Variants in TBC1D4 observed in about 807,000 individuals in gnomAD.
TBC1D4 encodes the protein TBC (Tre-2, BUB2, CDC16) domain-containing protein.
Under a neutral mutation model 142.5 loss-of-function variants are expected in TBC1D4, and 121 were observed. The observed-to-expected ratio is 0.85, with a 90% CI of 0.73 to 0.99. The LOEUF (loss-of-function observed/expected upper bound fraction) is 0.99. TBC1D4 is among the 50% of genes least tolerant of loss of function. The pLI, the probability that TBC1D4 is intolerant of heterozygous loss-of-function variation, is 0.00. For synonymous variants in TBC1D4, 630 were observed against 628.2 expected, an observed-to-expected ratio of 1.00 and a Z score of -0.04; for missense variants, 1,475 against 1,606.6, an observed-to-expected ratio of 0.92 and a Z score of 1.40.
At chr13:75,412,036 T>C (rs1404510637) in intron 1 of TBC1D4, among the ~76,000 whole-genome samples, 1 of 151,738 alleles carries the variant, frequency 6.6e-6, no homozygotes, top group African/African-American at 2.4e-5. Flanking sequence ...AGTTGGGGGG[T>C]AGGCCTAGGG....
At position 75,425,157 on chromosome 13, in the gene TBC1D4, AC is replaced by A. The variant is rs200196639; in HGVS notation, c.498+56112del. Among the ~76,000 whole-genome samples, 355 of 152,322 alleles carry A rather than the reference AC, an allele frequency of 2.3e-3. 4 individuals are homozygous for A. The highest frequency in any genetic ancestry group is 3.3e-3 in the East Asian group (17 of 5,190). On this transcript the variant is annotated intron_variant, in intron 1 of 20. Transcript: ENST00000377636. ...GAACAATTCAATAGTTTAAAAAAAA[AC>A]AATTTAAAAATGGGCAATGGACCTG... is the stretch of plus-strand genomic sequence containing the variant.
intron 4 of TBC1D4, among the ~76,000 whole-genome samples, chr13:75,349,584 G>A (rs370943383): frequency 1.9e-4 from 29 of 152,266 alleles, no homozygotes; most frequent in Middle Eastern, 3.4e-3. Context: ...GGGCTATGCC[G>A]TCACAGAGAG....
intron 1 of TBC1D4, 75 bp downstream of exon 1, chr13:75,481,195 T>TCCCCCCCCCCCCCC: frequency 5.4e-6 from 7 of 1,292,708 alleles, no homozygotes; most frequent in Non-Finnish European, 7.4e-6. Context: ...TAAAGTGGGG[T>TCCCCCCCCCCCCCC]CCCCGCCCCT....
rs1427378976 is a variant in TBC1D4 at position 75,288,993 on chromosome 13, G to C, written c.3604C>G (p.Leu1202Val). Residue 1202 changes from leucine (L) to valine (V), a missense_variant, in exon 20 of 21, where the codon CTG (leucine) becomes GTG (valine). Physicochemically the swap from Leu to Val is conservative, Grantham distance 32. This residue lies in a region of TBC1D4 where 248 missense variants were observed against 338.9 expected (regional missense o/e 0.73). Transcript: ENST00000377636. Reference protein sequence around the residue: ...SCEDSETLEKLERANSQLKRQ... With the variant: ...SCEDSETLEKVERANSQLKRQ... Reference sequence around the variant, plus strand: ...TTCAGTTGGCTATTGGCCCTCTCCAGCTTCTCCAAAGTTTCACTATCCTCA... The same window carrying C: ...TTCAGTTGGCTATTGGCCCTCTCCACCTTCTCCAAAGTTTCACTATCCTCA... 4.3e-6 allele frequency: 7 copies of C among 1,613,862 alleles called. No homozygotes were observed. The highest frequency in any genetic ancestry group is 1.1e-5 in the South Asian group (1 of 91,076).
intron 2 of TBC1D4, among the ~76,000 whole-genome samples, chr13:75,361,079 T>A (rs145270900): frequency 2.0e-5 from 3 of 152,250 alleles, no homozygotes; most frequent in Admixed American, 1.3e-4. Context: ...TAAGTTATTT[T>A]AAGCGGAACC....
intron 1 of TBC1D4, among the ~76,000 whole-genome samples, chr13:75,373,241 A>G (rs1477323006): frequency 1.3e-5 from 2 of 152,184 alleles, no homozygotes; most frequent in Non-Finnish European, 2.9e-5. Flanking sequence ...GTCCTTCCAC[A>G]TTACTTCAGA....
intron 1 of TBC1D4, among the ~76,000 whole-genome samples, chr13:75,406,051 G>T (rs1885323808): frequency 6.6e-6 from 1 of 152,206 alleles, no homozygotes; most frequent in South Asian, 2.1e-4. Context: ...AGAGATGATA[G>T]GTTTCTCAGT....
chr13:75,447,873 T>C (rs1887358367), intron 1 of TBC1D4, among the ~76,000 whole-genome samples: 1 of 152,044 alleles, frequency 6.6e-6, no homozygotes, highest in African/African-American at 2.4e-5. Context: ...TGTCACTGTC[T>C]CCCATCATGC....
chr13:75,320,789 T>A (rs1878687363), intron 11 of TBC1D4, among the ~76,000 whole-genome samples: 1 of 147,730 alleles, frequency 6.8e-6, no homozygotes, highest in Admixed American at 7.0e-5. Flanking sequence ...TTTGGGAGGC[T>A]GAGGCGGGCG....
intron 1 of TBC1D4, among the ~76,000 whole-genome samples, chr13:75,391,540 T>G (rs1884491856): frequency 6.6e-6 from 1 of 152,220 alleles, no homozygotes; most frequent in African/African-American, 2.4e-5. Context: ...CTTCTTTCAC[T>G]TGGCTACCAG....
At chr13:75,438,939 C>T (rs4530003) in intron 1 of TBC1D4, among the ~76,000 whole-genome samples, 88,629 of 151,940 alleles carry the variant, frequency 0.58, 30,569 homozygotes, top group Non-Finnish European at 0.73. Flanking sequence ...CTGTTTAAGG[C>T]AATTTAAGTG....
At chr13:75,291,473 C>T (rs761008795) in intron 19 of TBC1D4, among the ~76,000 whole-genome samples, 7 of 152,190 alleles carry the variant, frequency 4.6e-5, no homozygotes, top group East Asian at 3.9e-4. Flanking sequence ...GATTGCCTTA[C>T]GCCTACCCAC....
At chr13:75,431,005 G>A (rs1886572831) in intron 1 of TBC1D4, among the ~76,000 whole-genome samples, 1 of 152,148 alleles carries the variant, frequency 6.6e-6, no homozygotes, top group South Asian at 2.1e-4. Context: ...CAACTCCTGA[G>A]GGGTGCCCAG....
intron 6 of TBC1D4, 102 bp from the exon 7 acceptor site, chr13:75,341,337 G>T: frequency 1.5e-6 from 2 of 1,331,068 alleles, no homozygotes; most frequent in Non-Finnish European, 2.1e-6. Context: ...TTTTAACTTC[G>T]CTCAGAAGCA....
chr13:75,378,734 A>G (rs1246958832), intron 1 of TBC1D4, among the ~76,000 whole-genome samples: 3 of 152,136 alleles, frequency 2.0e-5, no homozygotes, highest in Non-Finnish European at 2.9e-5. Context: ...CAATTTTTCT[A>G]TACTTCTAAA....
chr13:75,459,569 T>A (rs1389094524), intron 1 of TBC1D4, among the ~76,000 whole-genome samples: 2 of 152,190 alleles, frequency 1.3e-5, no homozygotes, highest in Non-Finnish European at 1.5e-5. Flanking sequence ...TTTTTTAAAA[T>A]AAAACCTCTT....
At chr13:75,399,069 C>T (rs117786553) in intron 1 of TBC1D4, among the ~76,000 whole-genome samples, 5,012 of 152,238 alleles carry the variant, frequency 0.033, 189 homozygotes, top group Admixed American at 0.11. Flanking sequence ...TAGGCGGGCG[C>T]GGTGGCTCAC....
At chr13:75,436,206 A>G (rs1294022576) in intron 1 of TBC1D4, among the ~76,000 whole-genome samples, 2 of 152,136 alleles carry the variant, frequency 1.3e-5, no homozygotes, top group African/African-American at 2.4e-5. Flanking sequence ...CCCTTCTGCC[A>G]TGATTATGAG....
intron 1 of TBC1D4, chr13:75,377,253 A>G (rs1404428066): frequency 1.3e-5 from 2 of 152,234 alleles, no homozygotes; most frequent in Non-Finnish European, 2.9e-5. Context: ...TCCGGGAAAC[A>G]TACCTTTTTA....
Sources: allele counts gnomAD v4.1 joint callset (sites outside exome capture counted in the v4.1 genomes callset), GRCh38; gene constraint gnomAD v4.1.1; regional missense constraint gnomAD v4.1.1; transcripts MANE v1.5; gene names NCBI Gene and HGNC (gene_info 2026-07-23, HGNC 2026-07-21).